Variants in LCP2 observed in about 807,000 individuals in gnomAD.
LCP2 encodes the protein lymphocyte cytosolic protein 2, also known as 76 kDa tyrosine phosphoprotein.
A neutral mutation model predicts 74.5 loss-of-function variants in LCP2; 29 were observed. That is an observed-to-expected ratio of 0.39 (90% CI 0.29 to 0.53). The LOEUF is 0.53. LCP2 is among the 20% of genes least tolerant of loss of function. LCP2 has a pLI of 0.72. For synonymous variants in LCP2, 228 were observed against 229.5 expected, an observed-to-expected ratio of 0.99 and a Z score of 0.06; for missense variants, 604 against 634.6, an observed-to-expected ratio of 0.95 and a Z score of 0.52.
chr5:170,287,711 G>A (rs1581074946), intron 3 of LCP2: 1 of 536,686 alleles, frequency 1.9e-6, no homozygotes, highest in East Asian at 3.2e-5. Flanking sequence ...TGAGAAGAGA[G>A]GAAATGAAAA....
At chr5:170,292,029 G>C (rs557262312) in intron 2 of LCP2, among the ~76,000 whole-genome samples, 20 of 152,288 alleles carry the variant, frequency 1.3e-4, no homozygotes, top group Non-Finnish European at 2.9e-4. Flanking sequence ...TCACATCACA[G>C]CTCTGCATGT....
intron 2 of LCP2, among the ~76,000 whole-genome samples, chr5:170,289,717 C>CTTTCTTTCTTTCCTTCTTTCTTT (rs1213460274): frequency 1.1e-4 from 13 of 113,540 alleles, no homozygotes; most frequent in African/African-American, 3.8e-4. Flanking sequence ...TTCTTTCTTT[C>CTTTCTTTCTTTCCTTCTTTCTTT]CTTTCCTTTC....
chr5:170,260,271 T>C (rs1186264719), intron 14 of LCP2, among the ~76,000 whole-genome samples: 1 of 152,212 alleles, frequency 6.6e-6, no homozygotes, highest in African/African-American at 2.4e-5. Flanking sequence ...TGAGTGTGCC[T>C]GCCTCCATAA....
At chr5:170,249,360 G>A (rs1761374211) in intron 20 of LCP2, among the ~76,000 whole-genome samples, 1 of 101,584 alleles carries the variant, frequency 9.8e-6, no homozygotes, top group Non-Finnish European at 2.2e-5. Context: ...GTGCATGCGT[G>A]TGTATATATA....
intron 3 of LCP2, among the ~76,000 whole-genome samples, chr5:170,277,564 T>C (rs376430097): frequency 6.6e-6 from 1 of 151,746 alleles, no homozygotes; most frequent in African/African-American, 2.4e-5. Flanking sequence ...CTGGCCAACA[T>C]GGTGAAACCC....
rs1383618053 is a variant in LCP2 at position 170,273,112 on chromosome 5, T to G, written c.324+1189A>C. Among the ~76,000 whole-genome samples, 3 of 151,844 alleles carry G rather than the reference T, an allele frequency of 2.0e-5. No individual in the cohort carries two copies. The East Asian group carries it at 5.8e-4, about 29-fold the overall frequency. On this transcript the variant is annotated intron_variant, in intron 6 of 20. Transcript: ENST00000046794. The stretch of plus-strand genomic sequence containing the variant: ...ATGGGGTATCCATACTGTAAAATGC[T>G]TATGATTGGGTCCTTTATCTCCACT...
intron 19 of LCP2, 75 bp downstream of exon 19, chr5:170,252,359 G>A: frequency 2.5e-6 from 2 of 795,526 alleles, no homozygotes; most frequent in South Asian, 1.6e-5. Flanking sequence ...CCTGTAATTG[G>A]TACTCAGGAC....
chr5:170,270,376 C>T, intron 7 of LCP2: 1 of 228,584 alleles, frequency 4.4e-6, no homozygotes, highest in Admixed American at 5.8e-5. Flanking sequence ...TCTTGGAGTA[C>T]CTGAGTAAAC....
Position 170,272,793 on chromosome 5 carries a change from T to C in LCP2, c.324+1508A>G, listed in dbSNP as rs531802823. Among the ~76,000 whole-genome samples, 657 of 151,702 alleles carry C rather than the reference T, an allele frequency of 4.3e-3. 8 individuals are homozygous for C. The highest frequency in any genetic ancestry group is 0.015 in the African/African-American group (616 of 41,348). On this transcript the variant is annotated intron_variant, in intron 6 of 20. Coordinates refer to ENST00000046794, the MANE Select transcript of LCP2 (RefSeq NM_005565.5). ...ACGCCCAGCTAATTTTTGTATTTTT[T>C]AGTAGAGATGGGGTTTCACCATGTT... is the stretch of plus-strand genomic sequence containing the variant.
At chr5:170,273,878 G>A (rs1398005996) in intron 6 of LCP2, 1 of 163,460 alleles carries the variant, frequency 6.1e-6, no homozygotes, top group Non-Finnish European at 1.3e-5. Context: ...CATGAGAAAA[G>A]CTACTTGAGA....
In LCP2 at chr5:170,287,956, G is replaced by T. The variant is rs1171539681; in HGVS notation, c.188+14C>A. ...CTGCTCCCAGATCACCCATAGAGTT[G>T]GAGGAGTACTTACGGCACCCGGAGC... On this transcript the variant is annotated intron_variant, in intron 3 of 20. Transcript: ENST00000046794. 6.2e-7 allele frequency: 1 copy of T among 1,612,210 alleles called. No homozygotes were observed. The highest frequency in any genetic ancestry group is 8.5e-7 in the Non-Finnish European group (1 of 1,178,450).
intron 3 of LCP2, among the ~76,000 whole-genome samples, chr5:170,279,410 G>A (rs1581070756): frequency 1.3e-5 from 2 of 152,184 alleles, no homozygotes; most frequent in Admixed American, 1.3e-4. Flanking sequence ...CCCAAGGGTG[G>A]CGCCCACTGT....
At position 170,275,816 on chromosome 5, in the gene LCP2, C is replaced by G; in HGVS notation, c.233G>C (p.Arg78Thr). 6.3e-7 allele frequency: 1 copy of G among 1,580,686 alleles called. No individual in the cohort carries two copies. The highest frequency in any genetic ancestry group is 8.6e-7 in the Non-Finnish European group (1 of 1,160,888). The change falls in exon 4 of 21, where the codon AGG (arginine) becomes ACG (threonine). Residue 78 changes from arginine to threonine, a missense_variant. Transcript: ENST00000046794. Reference protein sequence around the residue: ...LSQEINKNEERRSIFTRKPQV... With the variant: ...LSQEINKNEETRSIFTRKPQV... ...TCACTTGCGTGTGAAGATGCTCCTC[C>G]TCTCTTCGTTCTTGTTGATTTCCTG... is the stretch of plus-strand genomic sequence containing the variant.
intron 3 of LCP2, among the ~76,000 whole-genome samples, chr5:170,281,341 A>ATG (rs1561975582): frequency 6.6e-6 from 1 of 151,732 alleles, no homozygotes; most frequent in African/African-American, 2.4e-5. Context: ...GTGCAGTGCC[A>ATG]CGATCTTGGC....
intron 3 of LCP2, among the ~76,000 whole-genome samples, chr5:170,286,573 G>A (rs947876721): frequency 6.6e-6 from 1 of 152,160 alleles, no homozygotes; most frequent in Non-Finnish European, 1.5e-5. Context: ...TGCCTCAGGG[G>A]AATGAATTTT....
chr5:170,266,975 G>A, intron 9 of LCP2, 34 bp downstream of exon 9: 2 of 1,612,732 alleles, frequency 1.2e-6, no homozygotes, highest in Non-Finnish European at 1.7e-6. Flanking sequence ...TGCCTGGTGG[G>A]AACAGGGCAA....
intron 15 of LCP2, 77 bp from the exon 16 acceptor site, chr5:170,258,243 C>T (rs1761593637): frequency 6.9e-7 from 1 of 1,450,908 alleles, no homozygotes; most frequent in East Asian, 2.3e-5. Flanking sequence ...AACCGCCCCC[C>T]AGTTAGAAAC....
chr5:170,286,266 G>A (rs1162221022), intron 3 of LCP2, among the ~76,000 whole-genome samples: 3 of 152,168 alleles, frequency 2.0e-5, no homozygotes, highest in Non-Finnish European at 4.4e-5. Context: ...GCTGACTATT[G>A]CCACAGTAGA....
Position 170,250,745 on chromosome 5 carries a change from TCCAGTTC to T in LCP2, c.1457_1463del (p.Gly486AspfsTer39). On this transcript the variant is annotated frameshift_variant, in exon 20 of 21. Coordinates refer to ENST00000046794, the MANE Select transcript of LCP2 (RefSeq NM_005565.5). LOFTEE classifies it low-confidence loss of function (END_TRUNC). The stretch of plus-strand genomic sequence containing the variant: ...AAATCCTTACCTCTTTCCCTCGGAG[TCCAGTTC>T]CCAACAAGTAAACTTGACTTTCCTT... The T allele has an allele frequency of 6.2e-7, 1 of 1,613,374 alleles. No homozygotes were observed. Among genetic ancestry groups the T allele is most frequent in the Non-Finnish European group, 8.5e-7 (1 of 1,179,392 alleles).
Sources: gnomAD v4.1 joint callset for allele counts (sites outside exome capture counted in the v4.1 genomes callset) on GRCh38, gnomAD v4.1.1 for gene constraint, MANE v1.5 for transcripts, NCBI Gene and HGNC (gene_info 2026-07-23, HGNC 2026-07-21) for gene names.